PROKR1: variants seen among roughly 807,000 people sequenced by gnomAD.
PROKR1 encodes the protein prokineticin receptor 1, also known as G protein-coupled receptor 73.
Under a neutral mutation model 22.8 loss-of-function variants are expected in PROKR1, and 21 were observed. The ratio of observed to expected loss-of-function variants is 0.92; its 90% CI spans 0.65 to 1.32. The LOEUF (loss-of-function observed/expected upper bound fraction) is 1.32. Ranked by LOEUF, PROKR1 falls within the 40% of genes most tolerant of loss-of-function variation. The pLI, the probability that PROKR1 is intolerant of heterozygous loss-of-function variation, is 0.00. For synonymous variants in PROKR1, 193 were observed against 207.5 expected (o/e 0.93, Z 0.60); for missense variants, 548 against 514.2 (o/e 1.07, Z -0.64).
chr2:68,646,999 G>T (rs1466958856), intron 2 of PROKR1, among the ~76,000 whole-genome samples: 3 of 152,114 alleles, frequency 2.0e-5, no homozygotes, highest in African/African-American at 7.2e-5. Context: ...AGTGAGCTAT[G>T]TTCATGCCAC....
intron 1 of PROKR1, 82 bp from the exon 2 acceptor site, chr2:68,645,580 G>A: frequency 3.4e-6 from 2 of 587,910 alleles, no homozygotes; most frequent in Admixed American, 5.9e-5. Flanking sequence ...GGAGCTAATA[G>A]GTCTGCTTAG....
intron 2 of PROKR1, among the ~76,000 whole-genome samples, chr2:68,652,464 C>T (rs75573699): frequency 2.9e-4 from 44 of 152,166 alleles, no homozygotes; most frequent in African/African-American, 9.4e-4. Context: ...ACTAATTCTG[C>T]GGATGGAGTT....
chr2:68,650,938 T>C (rs996135184), intron 2 of PROKR1, among the ~76,000 whole-genome samples: 4 of 151,932 alleles, frequency 2.6e-5, no homozygotes, highest in Non-Finnish European at 1.5e-5. Flanking sequence ...TTGCCTGAAG[T>C]GAATTTGAGG....
Position 68,646,168 on chromosome 2 carries a change from G to C in PROKR1, c.347G>C (p.Cys116Ser). 6.2e-7 allele frequency: 1 copy of C among 1,607,580 alleles called. No individual in the cohort carries two copies. The highest frequency in any genetic ancestry group is 8.5e-7 in the Non-Finnish European group (1 of 1,175,948). ...ISDFLVAIVC[C>S]PFEMDYYVVR... is the part of the protein sequence containing the mutation. ...GACTTCCTGGTGGCCATTGTCTGCT[G>C]CCCCTTTGAGATGGACTACTATGTG... Residue 116 changes from cysteine (C) to serine (S), a missense_variant, in exon 2 of 3, where the codon TGC becomes TCC. Coordinates refer to ENST00000303786, the MANE Select transcript of PROKR1 (RefSeq NM_138964.4).
intron 2 of PROKR1, among the ~76,000 whole-genome samples, chr2:68,648,337 CCTTTCATACCAAACAGAG>C (rs1324100685): frequency 1.3e-5 from 2 of 152,210 alleles, no homozygotes; most frequent in Non-Finnish European, 2.9e-5. Context: ...CTTATAACCT[CCTTTCATACCAAACAGAG>C]CTTGTCTGAA....
rs1448424011 is a variant in PROKR1, at chr2:68,655,195, C to A, written c.801C>A (p.Phe267Leu). 6.2e-7 allele frequency: 1 copy of A among 1,614,126 alleles called. No individual in the cohort carries two copies. The highest frequency in any genetic ancestry group is 8.5e-7 in the Non-Finnish European group (1 of 1,180,060). The change falls in exon 3 of 3, where the codon TTC becomes TTA. Residue 267 changes from phenylalanine to leucine, a missense_variant. Coordinates refer to ENST00000303786, the MANE Select transcript of PROKR1 (RefSeq NM_138964.4). ...RELWFKAVPG[F>L]QTEQIRKRLR... Reference sequence around the variant, plus strand: ...TCTGGTTCAAGGCGGTCCCTGGATTCCAGACAGAGCAGATCCGCAAGAGGC... The same window carrying A: ...TCTGGTTCAAGGCGGTCCCTGGATTACAGACAGAGCAGATCCGCAAGAGGC...
chr2:68,655,609 C>T lies in PROKR1; in HGVS notation c.*33C>T. ...GACTTTGCAAAGTTTAAACACAAAG[C>T]AGGGTCCTGTGGACACTGACTAGTG... is the stretch of plus-strand genomic sequence containing the variant. On this transcript the variant is annotated 3_prime_UTR_variant, in exon 3 of 3. Transcript: ENST00000303786. 2.5e-6 allele frequency: 4 copies of T among 1,593,928 alleles called. No homozygotes were observed. The highest frequency in any genetic ancestry group is 3.4e-6 in the Non-Finnish European group (4 of 1,165,526).
chr2:68,652,476 G>C (rs1468063698), intron 2 of PROKR1, among the ~76,000 whole-genome samples: 1 of 152,140 alleles, frequency 6.6e-6, no homozygotes, highest in East Asian at 1.9e-4. Context: ...GATGGAGTTG[G>C]GGTGATGTCA....
rs746208336 is a variant in PROKR1 at position 68,655,224 on chromosome 2, G to A, written c.830G>A (p.Arg277His). 5.6e-6 allele frequency: 9 copies of A among 1,614,124 alleles called. No individual in the cohort carries two copies. Among genetic ancestry groups the A allele is most frequent in the Non-Finnish European group, 6.8e-6 (8 of 1,180,054 alleles). ...FQTEQIRKRL[R>H]CRRKTVLVLM... Reference sequence around the variant, plus strand: ...ACAGAGCAGATCCGCAAGAGGCTGCGCTGCCGCAGGAAGACGGTCCTGGTG... The same window carrying A: ...ACAGAGCAGATCCGCAAGAGGCTGCACTGCCGCAGGAAGACGGTCCTGGTG... Residue 277 changes from arginine to histidine, a missense_variant, in exon 3 of 3, where the codon CGC becomes CAC. Coordinates refer to ENST00000303786, the MANE Select transcript of PROKR1 (RefSeq NM_138964.4).
intron 2 of PROKR1, among the ~76,000 whole-genome samples, chr2:68,648,587 T>C (rs1400357902): frequency 6.6e-6 from 1 of 152,178 alleles, no homozygotes; most frequent in Non-Finnish European, 1.5e-5. Context: ...CCCATTCTTT[T>C]ATTGATGTTT....
intron 2 of PROKR1, among the ~76,000 whole-genome samples, chr2:68,653,011 T>A (rs903407637): frequency 2.0e-5 from 3 of 152,244 alleles, no homozygotes; most frequent in African/African-American, 7.2e-5. Context: ...ATAGGAAATT[T>A]CTTTCTCAGA....
At chr2:68,648,496 T>G (rs952969991) in intron 2 of PROKR1, among the ~76,000 whole-genome samples, 1 of 152,104 alleles carries the variant, frequency 6.6e-6, no homozygotes, top group Non-Finnish European at 1.5e-5. Flanking sequence ...ATAGGAAGCT[T>G]GTACCCAGAC....
At chr2:68,648,108 C>T (rs73933304) in intron 2 of PROKR1, among the ~76,000 whole-genome samples, 11,686 of 152,144 alleles carry the variant, frequency 0.077, 1,289 homozygotes, top group African/African-American at 0.24. Flanking sequence ...ACTACATGTG[C>T]TCAGCTACTA....
At chr2:68,653,074 C>T (rs1401152971) in intron 2 of PROKR1, among the ~76,000 whole-genome samples, 1 of 152,180 alleles carries the variant, frequency 6.6e-6, no homozygotes. Flanking sequence ...CCAGTGAGAG[C>T]AGAATGTCTT....
In PROKR1 at chr2:68,658,006, A is replaced by T. The variant is rs1434978046; in HGVS notation, c.*2430A>T. 6.6e-6 allele frequency: 1 copy of T among 152,236 alleles called. No homozygotes were observed. The highest frequency in any genetic ancestry group is 1.5e-5 in the Non-Finnish European group (1 of 68,040). The allele number at this position is 152,236 out of a possible 1,614,324, so 9.4% of individuals were successfully genotyped here. A position where few individuals can be genotyped will look rare whatever the true frequency, so the allele number is the denominator to read the frequency against. On this transcript the variant is annotated 3_prime_UTR_variant, in exon 3 of 3. Coordinates refer to ENST00000303786, the MANE Select transcript of PROKR1 (RefSeq NM_138964.4). The stretch of plus-strand genomic sequence containing the variant: ...CTTTTGTATTAAAAAGTTAAAAATG[A>T]TACAATTTATTGTCATTATGTTCAC...
intron 1 of PROKR1, among the ~76,000 whole-genome samples, chr2:68,644,441 G>A (rs4854479): frequency 3.1e-4 from 47 of 152,072 alleles, no homozygotes; most frequent in Middle Eastern, 3.4e-3. Context: ...TTGAGAGCTC[G>A]GAGGAAGGAA....
chr2:68,651,266 G>A (rs1174192829), intron 2 of PROKR1, among the ~76,000 whole-genome samples: 1 of 152,180 alleles, frequency 6.6e-6, no homozygotes, highest in Non-Finnish European at 1.5e-5. Context: ...AGGAGGCTGG[G>A]GTGGGAGGAA....
Position 68,646,275 on chromosome 2 carries a change from A to T in PROKR1, c.454A>T (p.Thr152Ser). Residue 152 changes from threonine to serine, a missense_variant, in exon 2 of 3, where the codon ACC (threonine) becomes TCC (serine). Coordinates refer to ENST00000303786, the MANE Select transcript of PROKR1 (RefSeq NM_138964.4). ...YLRTVSLYVSTNALLAIAIDR... is the reference protein window; with the variant it reads ...YLRTVSLYVSSNALLAIAIDR... ...GCGCACTGTCTCTCTCTATGTCTCC[A>T]CCAATGCCCTGCTGGCCATCGCCAT... is the stretch of plus-strand genomic sequence containing the variant. The T allele has an allele frequency of 6.2e-7, 1 of 1,614,118 alleles. No individual in the cohort carries two copies. The highest frequency in any genetic ancestry group is 8.5e-7 in the Non-Finnish European group (1 of 1,180,022).
In PROKR1 at chr2:68,655,045, C is replaced by T. The variant is rs1214541096; in HGVS notation, c.651C>T (p.Cys217=). The T allele has an allele frequency of 6.2e-6, 10 of 1,613,778 alleles. No homozygotes were observed. The South Asian group carries it at 9.9e-5, about 16-fold the overall frequency. Residue 217 remains cysteine, a synonymous_variant, in exon 3 of 3, where the codon TGC becomes TGT. Transcript: ENST00000303786. The stretch of plus-strand genomic sequence containing the variant: ...TCAAGAGCCAGGAAAAGATCTTCTG[C>T]GGCCAGATCTGGCCTGTGGACCAGC... The part of the protein sequence containing the change: ...VIVKSQEKIF[C]GQIWPVDQQL...
Sources: allele counts gnomAD v4.1 joint callset (sites outside exome capture counted in the v4.1 genomes callset), GRCh38; gene constraint gnomAD v4.1.1; transcripts MANE v1.5; gene names NCBI Gene and HGNC (gene_info 2026-07-23, HGNC 2026-07-21).